The following PACRG variants were observed in gnomAD, a reference collection of about 807,000 sequenced individuals.
PACRG encodes the protein parkin coregulated.
A neutral mutation model predicts 29.7 loss-of-function variants in PACRG; 29 were observed. The observed-to-expected ratio is 0.98, with a 90% confidence interval of 0.73 to 1.33. PACRG has a LOEUF of 1.33. PACRG is among the 40% of genes most tolerant of loss of function. PACRG has a pLI of 0.00. For synonymous variants in PACRG, 116 were observed against 118.7 expected (o/e 0.98, Z 0.15); for missense variants, 279 against 316.2 (o/e 0.88, Z 0.89).
intron 4 of PACRG, among the ~76,000 whole-genome samples, chr6:163,153,066 A>G (rs564197997): frequency 5.2e-4 from 79 of 152,380 alleles, no homozygotes; most frequent in African/African-American, 1.9e-3. Flanking sequence ...CACAATATGT[A>G]TAGACAAATT....
intron 2 of PACRG, among the ~76,000 whole-genome samples, chr6:163,048,509 CTA>C (rs1182829079): frequency 2.6e-5 from 4 of 152,064 alleles, no homozygotes; most frequent in Admixed American, 2.0e-4. Flanking sequence ...AGATTGAACT[CTA>C]TGGTTTCAGT....
intron 3 of PACRG, among the ~76,000 whole-genome samples, chr6:163,085,391 C>T (rs559418304): frequency 2.0e-5 from 3 of 152,248 alleles, no homozygotes; most frequent in African/African-American, 7.2e-5. Context: ...TCTCAAACAT[C>T]TGATTCTGTT....
intron 2 of PACRG, among the ~76,000 whole-genome samples, chr6:162,832,623 G>T (rs1039824932): frequency 3.3e-5 from 5 of 152,128 alleles, no homozygotes; most frequent in Admixed American, 2.6e-4. Context: ...CTGTGTAAAA[G>T]AGAGTGGGAA....
intron 4 of PACRG, among the ~76,000 whole-genome samples, chr6:163,121,573 C>A (rs2128324823): frequency 6.6e-6 from 1 of 151,918 alleles, no homozygotes. Flanking sequence ...TTTCACATCA[C>A]TTCTCAGTCA....
At chr6:163,191,515 T>C (rs1372672219) in intron 4 of PACRG, 2 of 391,330 alleles carry the variant, frequency 5.1e-6, no homozygotes, top group Non-Finnish European at 1.0e-5. Context: ...CTCTCCTCTC[T>C]AAAGAGAAGG....
chr6:162,878,270 A>G (rs756743987), intron 2 of PACRG, among the ~76,000 whole-genome samples: 1 of 152,222 alleles, frequency 6.6e-6, no homozygotes, highest in Non-Finnish European at 1.5e-5. Flanking sequence ...GAGATATTAA[A>G]TTATAACAAC....
intron 2 of PACRG, among the ~76,000 whole-genome samples, chr6:163,054,810 C>T (rs1157932874): frequency 2.6e-5 from 4 of 152,112 alleles, no homozygotes; most frequent in Non-Finnish European, 4.4e-5. Flanking sequence ...CTACTCCCTG[C>T]GGCAAATGGT....
At chr6:162,923,182 G>A (rs902352820) in intron 2 of PACRG, among the ~76,000 whole-genome samples, 18 of 152,030 alleles carry the variant, frequency 1.2e-4, no homozygotes, top group Non-Finnish European at 1.8e-4. Flanking sequence ...TTTTTCTTCA[G>A]GAATGTTTAT....
chr6:162,845,125 C>T (rs1037321844), intron 2 of PACRG, among the ~76,000 whole-genome samples: 1 of 151,348 alleles, frequency 6.6e-6, no homozygotes, highest in African/African-American at 2.5e-5. Context: ...CAAATAGCCA[C>T]AATAGGTAAT....
intron 4 of PACRG, among the ~76,000 whole-genome samples, chr6:163,231,125 C>A (rs961742641): frequency 3.3e-5 from 5 of 152,204 alleles, no homozygotes; most frequent in African/African-American, 1.2e-4. Flanking sequence ...GGAGCGGCAC[C>A]ACCTTTGGGA....
chr6:162,868,035 C>T (rs7760425), intron 2 of PACRG, among the ~76,000 whole-genome samples: 105,288 of 152,170 alleles, frequency 0.69, 37,878 homozygotes, highest in African/African-American at 0.9. Context: ...AGGGTGACTT[C>T]TCTTATGACT....
At chr6:162,830,704 G>A (rs1041433158) in intron 2 of PACRG, among the ~76,000 whole-genome samples, 18 of 152,204 alleles carry the variant, frequency 1.2e-4, no homozygotes, top group African/African-American at 4.3e-4. Flanking sequence ...GTGCAGGCAT[G>A]GTGGGGGGTA....
At chr6:163,059,484 T>C (rs1810914141) in intron 2 of PACRG, among the ~76,000 whole-genome samples, 1 of 152,170 alleles carries the variant, frequency 6.6e-6, no homozygotes. Context: ...ATAATAATAT[T>C]ATATTAGAAT....
At chr6:163,161,315 A>G (rs1778547308) in intron 4 of PACRG, among the ~76,000 whole-genome samples, 1 of 151,620 alleles carries the variant, frequency 6.6e-6, no homozygotes, top group Admixed American at 6.6e-5. Flanking sequence ...CATTCTTGAT[A>G]AAAACCTTAT....
intron 2 of PACRG, among the ~76,000 whole-genome samples, chr6:163,054,354 T>C (rs929147234): frequency 2.6e-5 from 4 of 152,124 alleles, no homozygotes; most frequent in East Asian, 3.9e-4. Context: ...GGTGACTGTC[T>C]ACAAGCCAGG....
At chr6:163,061,018 T>C (rs1281369916) in intron 2 of PACRG, among the ~76,000 whole-genome samples, 1 of 152,132 alleles carries the variant, frequency 6.6e-6, no homozygotes, top group African/African-American at 2.4e-5. Context: ...ATATATGTAA[T>C]TTATCAATAA....
rs192368431 is a variant in PACRG, at chr6:163,049,438, A to C, written c.292-12712A>C. 4.2e-3 allele frequency among the ~76,000 whole-genome samples: 634 copies of C among 152,220 alleles called. 2 individuals carry two copies. The highest frequency in any genetic ancestry group is 6.9e-3 in the Non-Finnish European group (472 of 67,922). On this transcript the variant is annotated intron_variant, in intron 2 of 4. Coordinates refer to ENST00000366888, the MANE Select transcript of PACRG (RefSeq NM_001080379.2). ...TCTTTTCTGACTGTTTCTATTCTTTATGCTACACAATGGGGGAAATATTCC... is the reference window on the plus strand; with the variant it reads ...TCTTTTCTGACTGTTTCTATTCTTTCTGCTACACAATGGGGGAAATATTCC...
chr6:163,307,297 C>T (rs546405790), intron 4 of PACRG, among the ~76,000 whole-genome samples: 1 of 152,204 alleles, frequency 6.6e-6, no homozygotes, highest in Non-Finnish European at 1.5e-5. Context: ...CTTTAGTGAC[C>T]CAGCCTTCGG....
rs1169345687 is a variant in PACRG at position 162,955,341 on chromosome 6, C to T, written c.292-106809C>T. Reference sequence around the variant, plus strand: ...TTGAGACGGAGTCTCTCTCTGTTGCCCAAGCTGGAGTGCAGTGGTGTGGTC... The same window carrying T: ...TTGAGACGGAGTCTCTCTCTGTTGCTCAAGCTGGAGTGCAGTGGTGTGGTC... On this transcript the variant is annotated intron_variant, in intron 2 of 4. Transcript: ENST00000366888. Among the ~76,000 whole-genome samples the T allele has an allele frequency of 3.9e-5, 6 of 152,112 alleles. No individual in the cohort carries two copies. The East Asian group carries it at 1.2e-3, about 29-fold the overall frequency.
Sources: gnomAD v4.1 joint callset for allele counts (sites outside exome capture counted in the v4.1 genomes callset) on GRCh38, gnomAD v4.1.1 for gene constraint, MANE v1.5 for transcripts, NCBI Gene and HGNC (gene_info 2026-07-23, HGNC 2026-07-21) for gene names.